The following GADL1 variants were observed in gnomAD, a reference collection of about 807,000 sequenced individuals.
GADL1 encodes the protein acidic amino acid decarboxylase GADL1.
Under a neutral mutation model 69.5 loss-of-function variants are expected in GADL1, and 71 were observed. The ratio of observed to expected loss-of-function variants is 1.02; its 90% CI spans 0.84 to 1.25. The LOEUF (loss-of-function observed/expected upper bound fraction) is 1.25. Ranked by LOEUF, GADL1 falls within the 50% of genes most tolerant of loss-of-function variation. The probability of loss-of-function intolerance (pLI) is 0.00; values close to 1 mark genes in which losing one functional copy is unlikely to be tolerated. For missense variants in GADL1, 737 were observed against 631.8 expected (o/e 1.17, Z -1.79); for synonymous variants, 254 against 214.4 (o/e 1.18, Z -1.62).
In GADL1 at chr3:30,861,799, TA is replaced by T. The variant is rs1218239524; in HGVS notation, c.38-35del. The T allele has an allele frequency of 2.1e-6, 3 of 1,445,378 alleles. No homozygotes were observed. In the African/African-American group the frequency reaches 4.3e-5, roughly 21 times the overall value. 89.5% of individuals were successfully genotyped at this position (1,445,378 alleles called of 1,614,324 possible). A position where few individuals can be genotyped will look rare whatever the true frequency, so the allele number is the denominator to read the frequency against. ...AAGCAAACAAATTGTGTTTGAGAGA[TA>T]ATCTAATTACACCACATAACAAAGC... is the stretch of plus-strand genomic sequence containing the variant. On this transcript the variant is annotated intron_variant, in intron 1 of 14. Transcript: ENST00000282538.
In GADL1 at chr3:30,776,866, C is replaced by G. The variant is rs973916618; in HGVS notation, c.1392+1313G>C. Reference sequence around the variant, plus strand: ...ACCCCTGTGGTCTTTGAATCACATTCTCCCCTCTTGAGCCTCTGAGTTCTC... The same window carrying G: ...ACCCCTGTGGTCTTTGAATCACATTGTCCCCTCTTGAGCCTCTGAGTTCTC... On this transcript the variant is annotated intron_variant, in intron 14 of 14. Coordinates refer to ENST00000282538, the MANE Select transcript of GADL1 (RefSeq NM_207359.3). Among the ~76,000 whole-genome samples, 28 of 152,322 alleles carry G rather than the reference C, an allele frequency of 1.8e-4. 1 individual carries two copies. Among genetic ancestry groups the G allele is most frequent in the Admixed American group, 1.4e-3 (22 of 15,298 alleles).
chr3:30,758,561 CAT>C (rs1247417038), intron 14 of GADL1, among the ~76,000 whole-genome samples: 1 of 152,102 alleles, frequency 6.6e-6, no homozygotes, highest in Non-Finnish European at 1.5e-5. Context: ...TAAATGAGAT[CAT>C]ATATGTAATG....
intron 1 of GADL1, among the ~76,000 whole-genome samples, chr3:30,874,975 T>C: frequency 6.6e-6 from 1 of 151,922 alleles, no homozygotes. Context: ...ATCCAACCTG[T>C]GCATTGGCTC....
At chr3:30,791,570 G>T (rs911184654) in intron 12 of GADL1, among the ~76,000 whole-genome samples, 2 of 152,106 alleles carry the variant, frequency 1.3e-5, no homozygotes, top group African/African-American at 4.8e-5. Flanking sequence ...GGCTAAATGT[G>T]CTCCTAGAGG....
intron 1 of GADL1, among the ~76,000 whole-genome samples, chr3:30,883,147 C>T (rs572704080): frequency 6.6e-6 from 1 of 151,922 alleles, no homozygotes; most frequent in East Asian, 1.9e-4. Flanking sequence ...AAAGGTTTTA[C>T]GTGTGATGTA....
chr3:30,751,897 C>T (rs1305954436), intron 14 of GADL1, among the ~76,000 whole-genome samples: 3 of 152,212 alleles, frequency 2.0e-5, no homozygotes, highest in Non-Finnish European at 1.5e-5. Context: ...CATCCCCAAC[C>T]AATCTTGTTT....
At chr3:30,814,699 C>T (rs1368683644) in intron 11 of GADL1, among the ~76,000 whole-genome samples, 1 of 151,990 alleles carries the variant, frequency 6.6e-6, no homozygotes, top group Non-Finnish European at 1.5e-5. Flanking sequence ...AAAAGTTAAA[C>T]ATTTATATGA....
intron 14 of GADL1, among the ~76,000 whole-genome samples, chr3:30,751,917 A>G (rs1354222181): frequency 6.6e-6 from 1 of 152,192 alleles, no homozygotes; most frequent in Non-Finnish European, 1.5e-5. Context: ...TCTCTCCCCA[A>G]TATCCCATTG....
chr3:30,757,936 C>A (rs1249583007), intron 14 of GADL1, among the ~76,000 whole-genome samples: 1 of 152,182 alleles, frequency 6.6e-6, no homozygotes, highest in African/African-American at 2.4e-5. Context: ...GCAGATAACA[C>A]TTATTGAGCA....
chr3:30,797,448 C>CTA (rs1697060783), intron 12 of GADL1, among the ~76,000 whole-genome samples: 2 of 152,032 alleles, frequency 1.3e-5, no homozygotes, highest in African/African-American at 2.4e-5. Context: ...GTAGGACATC[C>CTA]CAGGCATTGA....
chr3:30,775,824 C>T (rs569192984), intron 14 of GADL1, among the ~76,000 whole-genome samples: 7 of 152,272 alleles, frequency 4.6e-5, no homozygotes, highest in Admixed American at 6.5e-5. Flanking sequence ...AGGCTGGGTG[C>T]GGTGGCTCAC....
At chr3:30,755,258 T>C (rs148500996) in intron 14 of GADL1, among the ~76,000 whole-genome samples, 1 of 150,924 alleles carries the variant, frequency 6.6e-6, no homozygotes, top group African/African-American at 2.4e-5. Flanking sequence ...TATTCAAAGA[T>C]GTTTACATGG....
chr3:30,854,594 A>T (rs1698199479), intron 4 of GADL1, 105 bp downstream of exon 4: 1 of 663,706 alleles, frequency 1.5e-6, no homozygotes, highest in Admixed American at 2.8e-5. Context: ...TTGCGATGGC[A>T]CTATGCAAAA....
At chr3:30,814,481 A>G (rs977859067) in intron 11 of GADL1, among the ~76,000 whole-genome samples, 4 of 152,182 alleles carry the variant, frequency 2.6e-5, no homozygotes, top group South Asian at 2.1e-4. Flanking sequence ...TATGATCTCT[A>G]TCACAACCAC....
At chr3:30,828,479 T>TGG (rs11373623) in intron 11 of GADL1, among the ~76,000 whole-genome samples, 9,895 of 132,936 alleles carry the variant, frequency 0.074, 399 homozygotes, top group African/African-American at 0.086. Flanking sequence ...AAAATAAAAG[T>TGG]GGGGGGGGTG....
intron 14 of GADL1, among the ~76,000 whole-genome samples, chr3:30,763,022 C>T (rs777370670): frequency 1.3e-5 from 2 of 152,122 alleles, no homozygotes; most frequent in Non-Finnish European, 2.9e-5. Context: ...AAACAGTGTG[C>T]TACAACAAAC....
rs1695382404 is a variant in GADL1 at position 30,727,257 on chromosome 3, C to T, written c.*985G>A. On this transcript the variant is annotated 3_prime_UTR_variant, in exon 15 of 15. Transcript: ENST00000282538. ...AGTCATAGACGAAAAAAAAGAAAAC[C>T]TTCCAGTTGTCTACCAAGAAAAAAC... 1 of 150,492 alleles carries T rather than the reference C, an allele frequency of 6.6e-6. No homozygotes were observed. The highest frequency in any genetic ancestry group is 6.6e-5 in the Admixed American group (1 of 15,076). The allele number at this position is 150,492 out of a possible 1,614,324, so 9.3% of individuals were successfully genotyped here.
rs530624954 is a variant in GADL1, at chr3:30,844,317, T to C, written c.732-53A>G. The stretch of plus-strand genomic sequence containing the variant: ...GTTATGTTTAGTAATTAACAGATAA[T>C]GATACTGCTTTATAAACCATATAAA... On this transcript the variant is annotated intron_variant, in intron 7 of 14. Coordinates refer to ENST00000282538, the MANE Select transcript of GADL1 (RefSeq NM_207359.3). 9.0e-6 allele frequency: 14 copies of C among 1,560,966 alleles called. No individual in the cohort carries two copies. The East Asian group carries it at 2.0e-4, about 23-fold the overall frequency.
At chr3:30,774,881 T>C (rs1696496801) in intron 14 of GADL1, among the ~76,000 whole-genome samples, 1 of 151,774 alleles carries the variant, frequency 6.6e-6, no homozygotes, top group African/African-American at 2.4e-5. Context: ...AAGAGTGACA[T>C]GAAGAAGCAG....
Sources: allele counts gnomAD v4.1 joint callset (sites outside exome capture counted in the v4.1 genomes callset), GRCh38; gene constraint gnomAD v4.1.1; transcripts MANE v1.5; gene names NCBI Gene and HGNC (gene_info 2026-07-23, HGNC 2026-07-21).